MAML3: variants seen among roughly 807,000 people sequenced by gnomAD.
The protein encoded by MAML3 is mastermind like transcriptional coactivator 3.
Under a neutral mutation model 101.9 loss-of-function variants are expected in MAML3, and 27 were observed. That is an observed-to-expected ratio of 0.27 (90% CI 0.20 to 0.37). MAML3 has a LOEUF of 0.37. Ranked by LOEUF, MAML3 falls within the 10% of genes least tolerant of loss-of-function variation. The probability of loss-of-function intolerance (pLI) is 1.00; values close to 1 mark genes in which losing one functional copy is unlikely to be tolerated. For synonymous variants in MAML3, 501 were observed against 555.9 expected, an observed-to-expected ratio of 0.90 and a Z score of 1.39; for missense variants, 1,316 against 1,444.9, an observed-to-expected ratio of 0.91 and a Z score of 1.45.
chr4:139,925,018 A>G (rs1269835907), intron 1 of MAML3, among the ~76,000 whole-genome samples: 1 of 152,140 alleles, frequency 6.6e-6, no homozygotes, highest in Non-Finnish European at 1.5e-5. Context: ...TTAGTAACAC[A>G]GAGGCCTAAT....
At chr4:140,100,033 A>C (rs1578684313) in intron 1 of MAML3, among the ~76,000 whole-genome samples, 5 of 149,142 alleles carry the variant, frequency 3.4e-5, no homozygotes, top group Admixed American at 2.0e-4. Context: ...CCCCATGACC[A>C]CCCCACCCCT....
At chr4:139,853,829 A>AT (rs66569845) in intron 2 of MAML3, among the ~76,000 whole-genome samples, 55 of 149,848 alleles carry the variant, frequency 3.7e-4, no homozygotes, top group African/African-American at 1.0e-3. Context: ...TTTTATTTTT[A>AT]TTTTTTTTTT....
intron 1 of MAML3, among the ~76,000 whole-genome samples, chr4:140,094,041 G>T (rs972741647): frequency 6.6e-6 from 1 of 152,202 alleles, no homozygotes; most frequent in African/African-American, 2.4e-5. Context: ...GCACAGCCTG[G>T]TCTCTGGGTC....
chr4:140,021,025 G>A (rs1247710383), intron 1 of MAML3, among the ~76,000 whole-genome samples: 2 of 152,180 alleles, frequency 1.3e-5, no homozygotes, highest in Non-Finnish European at 2.9e-5. Context: ...AAACAAAGGT[G>A]TAGGTCACTT....
rs1332077793 is a variant in MAML3, at chr4:140,021,596, T to TCTC, written c.469-130630_469-130629insGAG. Among the ~76,000 whole-genome samples, 629 of 151,852 alleles carry TCTC rather than the reference T, an allele frequency of 4.1e-3. 6 individuals are homozygous for TCTC. The highest frequency in any genetic ancestry group is 0.014 in the African/African-American group (586 of 41,338). On this transcript the variant is annotated intron_variant, in intron 1 of 4. Transcript: ENST00000509479. ...TATTCCTTACCTAATTTTTTTTCCT[T>TCTC]ATTTTTAAAACAATGACCCAAGAAT...
At chr4:139,778,982 C>CAAAAAAAAAA (rs67782985) in intron 2 of MAML3, among the ~76,000 whole-genome samples, 1 of 100,636 alleles carries the variant, frequency 9.9e-6, no homozygotes. Flanking sequence ...GACTCCACCT[C>CAAAAAAAAAA]AAAAAAAAAA....
chr4:139,823,160 T>C (rs1225035280), intron 2 of MAML3, among the ~76,000 whole-genome samples: 1 of 152,210 alleles, frequency 6.6e-6, no homozygotes, highest in Non-Finnish European at 1.5e-5. Context: ...ATTATGCAAG[T>C]CAGTCAGATT....
intron 2 of MAML3, among the ~76,000 whole-genome samples, chr4:139,856,805 T>A (rs1036736379): frequency 2.0e-5 from 3 of 152,248 alleles, no homozygotes; most frequent in African/African-American, 7.2e-5. Flanking sequence ...TATTATTGAA[T>A]AATTTGTAAC....
At chr4:139,849,467 T>G (rs1731510455) in intron 2 of MAML3, among the ~76,000 whole-genome samples, 1 of 152,134 alleles carries the variant, frequency 6.6e-6, no homozygotes, top group South Asian at 2.1e-4. Flanking sequence ...TAAGACAAGA[T>G]CTGACCTCAA....
intron 1 of MAML3, among the ~76,000 whole-genome samples, chr4:139,924,224 C>T (rs546331594): frequency 6.6e-6 from 1 of 152,294 alleles, no homozygotes; most frequent in South Asian, 2.1e-4. Context: ...AATAAAATCA[C>T]AGAAGGAAAT....
chr4:139,820,256 T>C (rs1015327916), intron 2 of MAML3, among the ~76,000 whole-genome samples: 2 of 152,250 alleles, frequency 1.3e-5, no homozygotes, highest in Admixed American at 6.5e-5. Context: ...TAAAGAAATA[T>C]GAAATTACAA....
rs957640582 is a variant in MAML3, at chr4:139,941,197, A to G, written c.469-50230T>C. 2.6e-5 allele frequency among the ~76,000 whole-genome samples: 4 copies of G among 152,198 alleles called. 1 individual carries two copies. Among genetic ancestry groups the G allele is most frequent in the Admixed American group, 1.3e-4 (2 of 15,276 alleles). On this transcript the variant is annotated intron_variant, in intron 1 of 4. Transcript: ENST00000509479. ...ATTATTGGCAACACATACTGCCCAG[A>G]TTATGGAATTTGGTAATAAATTATG...
intron 1 of MAML3, among the ~76,000 whole-genome samples, chr4:140,070,626 A>T (rs1237780900): frequency 6.6e-6 from 1 of 152,224 alleles, no homozygotes; most frequent in East Asian, 1.9e-4. Context: ...TCAGAATCAT[A>T]AAAACTCCTC....
chr4:139,991,373 C>T (rs1346724973), intron 1 of MAML3, among the ~76,000 whole-genome samples: 2 of 152,128 alleles, frequency 1.3e-5, no homozygotes, highest in Non-Finnish European at 2.9e-5. Context: ...AACTGGATCC[C>T]TTCCTTACAC....
chr4:139,909,353 T>C (rs1432657156), intron 1 of MAML3, among the ~76,000 whole-genome samples: 6 of 152,202 alleles, frequency 3.9e-5, no homozygotes, highest in Non-Finnish European at 2.9e-5. Context: ...CAGGTATACA[T>C]AATACTTGAC....
chr4:139,814,589 G>C (rs1730862688), intron 2 of MAML3, among the ~76,000 whole-genome samples: 1 of 152,156 alleles, frequency 6.6e-6, no homozygotes, highest in Non-Finnish European at 1.5e-5. Flanking sequence ...CTGCTGTGTA[G>C]ATATGAACGA....
chr4:139,830,173 G>T (rs980353823), intron 2 of MAML3, among the ~76,000 whole-genome samples: 5 of 152,162 alleles, frequency 3.3e-5, no homozygotes, highest in African/African-American at 1.2e-4. Flanking sequence ...TGGATGACAG[G>T]CAAGGACTCC....
chr4:139,958,346 A>G (rs1185512701), intron 1 of MAML3, among the ~76,000 whole-genome samples: 2 of 152,224 alleles, frequency 1.3e-5, no homozygotes, highest in African/African-American at 4.8e-5. Flanking sequence ...TTCAATAAAT[A>G]TTTATTGAGT....
chr4:139,733,477 ATGGGGT>A (rs1728805070), intron 2 of MAML3, among the ~76,000 whole-genome samples: 1 of 151,258 alleles, frequency 6.6e-6, no homozygotes, highest in African/African-American at 2.4e-5. Context: ...AGAGAGGCAA[ATGGGGT>A]GACGACGATA....
Sources: gnomAD v4.1 joint callset for allele counts (sites outside exome capture counted in the v4.1 genomes callset) on GRCh38, gnomAD v4.1.1 for gene constraint, MANE v1.5 for transcripts, NCBI Gene and HGNC (gene_info 2026-07-23, HGNC 2026-07-21) for gene names.